CNTNAP4: variants seen among roughly 807,000 people sequenced by gnomAD.
CNTNAP4 encodes contactin-associated protein-like 4.
CNTNAP4 carries 98 observed loss-of-function variants against 148.4 expected under a neutral mutation model. The observed-to-expected ratio is 0.66, with a 90% CI of 0.56 to 0.78. The LOEUF (loss-of-function observed/expected upper bound fraction) is 0.78, where lower values mean the gene tolerates loss of function less well. Ranked by LOEUF, CNTNAP4 falls within the 30% of genes least tolerant of loss-of-function variation. The probability of loss-of-function intolerance (pLI) is 0.00; values close to 1 mark genes in which losing one functional copy is unlikely to be tolerated. For missense variants in CNTNAP4, 1,935 were observed against 1,565.6 expected (o/e 1.24, Z -3.98); for synonymous variants, 730 against 565.1 (o/e 1.29, Z -4.14).
intron 3 of CNTNAP4, among the ~76,000 whole-genome samples, chr16:76,375,957 A>G (rs574454453): frequency 6.6e-6 from 1 of 152,186 alleles, no homozygotes; most frequent in Non-Finnish European, 1.5e-5. Flanking sequence ...GACCTTGGGC[A>G]GTTGCTTTTA....
chr16:76,492,333 G>A (rs1323081928), intron 13 of CNTNAP4, among the ~76,000 whole-genome samples: 1 of 152,134 alleles, frequency 6.6e-6, no homozygotes, highest in Non-Finnish European at 1.5e-5. Flanking sequence ...TCATTTCACA[G>A]TGTATATCAA....
chr16:76,352,364 A>G (rs2011924740), intron 2 of CNTNAP4, among the ~76,000 whole-genome samples: 1 of 152,160 alleles, frequency 6.6e-6, no homozygotes, highest in Non-Finnish European at 1.5e-5. Flanking sequence ...ATTGTAAACT[A>G]CAGGGAGGGA....
chr16:76,347,824 G>C (rs1471045312), intron 2 of CNTNAP4, among the ~76,000 whole-genome samples: 1 of 152,034 alleles, frequency 6.6e-6, no homozygotes, highest in East Asian at 1.9e-4. Flanking sequence ...AAAGAGAGAA[G>C]GTAGAGATGA....
chr16:76,414,617 A>C (rs2078913305), intron 3 of CNTNAP4, among the ~76,000 whole-genome samples: 1 of 151,248 alleles, frequency 6.6e-6, no homozygotes, highest in Non-Finnish European at 1.5e-5. Flanking sequence ...TTGTCCTTAA[A>C]TGTTTAGAAG....
chr16:76,467,286 A>C, intron 9 of CNTNAP4, 66 bp from the exon 10 acceptor site: 5 of 1,389,178 alleles, frequency 3.6e-6, no homozygotes, highest in Non-Finnish European at 5.0e-6. Context: ...TTTTTAAATG[A>C]AGTTATCTAT....
rs8049489 is a variant in CNTNAP4 at position 76,530,416 on chromosome 16, C to A, written c.2756-5129C>A. Reference sequence around the variant, plus strand: ...ACGCCCCGAGTGTACTTTTCTATATCCAGTAGGTAAATCTTAGCGATCATT... The same window carrying A: ...ACGCCCCGAGTGTACTTTTCTATATACAGTAGGTAAATCTTAGCGATCATT... On this transcript the variant is annotated intron_variant, in intron 17 of 23. Transcript: ENST00000611870. Among the ~76,000 whole-genome samples the A allele has an allele frequency of 2.6e-3, 394 of 152,156 alleles. 3 individuals carry two copies. Among genetic ancestry groups the A allele is most frequent in the African/African-American group, 9.1e-3 (377 of 41,508 alleles).
Position 76,288,464 on chromosome 16 carries a change from C to T in CNTNAP4, c.85+10717C>T, listed in dbSNP as rs191905830. On this transcript the variant is annotated intron_variant, in intron 1 of 23. Coordinates refer to ENST00000611870, the MANE Select transcript of CNTNAP4 (RefSeq NM_033401.5). ...TTGTTCCCTTTGCGTAAATTACCCT[C>T]AAATACTTCACTCTAAAACCTCTTG... 2.5e-3 allele frequency among the ~76,000 whole-genome samples: 375 copies of T among 152,240 alleles called. 2 individuals carry two copies. The highest frequency in any genetic ancestry group is 8.5e-3 in the African/African-American group (355 of 41,550).
rs181633714 is a variant in CNTNAP4 at position 76,528,794 on chromosome 16, G to T, written c.2755+6537G>T. Among the ~76,000 whole-genome samples the T allele has an allele frequency of 2.6e-3, 390 of 152,260 alleles. 3 individuals carry two copies. The highest frequency in any genetic ancestry group is 9.0e-3 in the African/African-American group (373 of 41,538). Reference sequence around the variant, plus strand: ...CTTTTAAAAAATGTGATCCAGTTGGGCAGCAGTTATATATGACAATTGAAA... The same window carrying T: ...CTTTTAAAAAATGTGATCCAGTTGGTCAGCAGTTATATATGACAATTGAAA... On this transcript the variant is annotated intron_variant, in intron 17 of 23. Transcript: ENST00000611870.
Position 76,298,525 on chromosome 16 carries a change from TGTGTGA to T in CNTNAP4, c.86-17886_86-17881del, listed in dbSNP as rs202003028. Among the ~76,000 whole-genome samples the T allele has an allele frequency of 7.5e-3, 1,006 of 134,892 alleles. 8 individuals carry two copies. Among genetic ancestry groups the T allele is most frequent in the East Asian group, 0.028 (90 of 3,232 alleles). The allele number at this position is 134,892 out of a possible 152,430, so 88.5% of individuals were successfully genotyped here. A position where few individuals can be genotyped will look rare whatever the true frequency, so the allele number is the denominator to read the frequency against. On this transcript the variant is annotated intron_variant, in intron 1 of 23. Transcript: ENST00000611870. ...GTGTGTGTGTGTGTGTGTGTGTGTG[TGTGTGA>T]GGTAAGGGGCTGTGCTGAGAAGCAG... is the stretch of plus-strand genomic sequence containing the variant.
At chr16:76,456,712 T>G (rs1440138246) in intron 8 of CNTNAP4, among the ~76,000 whole-genome samples, 1 of 152,164 alleles carries the variant, frequency 6.6e-6, no homozygotes, top group Non-Finnish European at 1.5e-5. Flanking sequence ...TCCTAGCTGT[T>G]GCGGCCTATT....
intron 8 of CNTNAP4, among the ~76,000 whole-genome samples, chr16:76,460,772 AAAT>A (rs1411239359): frequency 4.4e-5 from 3 of 68,362 alleles, no homozygotes; most frequent in Admixed American, 1.7e-4. Flanking sequence ...AAAAAAAAAA[AAAT>A]ATATATATAT....
intron 9 of CNTNAP4, among the ~76,000 whole-genome samples, chr16:76,462,673 G>C (rs561711949): frequency 6.6e-6 from 1 of 152,062 alleles, no homozygotes; most frequent in African/African-American, 2.4e-5. Flanking sequence ...GCATCCACCC[G>C]CCCAGTGGAT....
chr16:76,301,248 A>G (rs1248461566), intron 1 of CNTNAP4, among the ~76,000 whole-genome samples: 1 of 152,124 alleles, frequency 6.6e-6, no homozygotes, highest in African/African-American at 2.4e-5. Flanking sequence ...AAAATGACAA[A>G]TGGTGGCTAC....
At chr16:76,398,104 C>A (rs1047184653) in intron 3 of CNTNAP4, among the ~76,000 whole-genome samples, 2 of 149,094 alleles carry the variant, frequency 1.3e-5, no homozygotes, top group Admixed American at 6.7e-5. Flanking sequence ...AACCTGGAGT[C>A]CAATGTTTGA....
chr16:76,406,781 G>A (rs1292521341), intron 3 of CNTNAP4, among the ~76,000 whole-genome samples: 1 of 152,156 alleles, frequency 6.6e-6, no homozygotes, highest in Admixed American at 6.6e-5. Context: ...AGAGAGGTGA[G>A]GAAGCTGTAG....
Position 76,277,432 on chromosome 16 carries a change from TGAGA to T in CNTNAP4, c.-220_-217del. The T allele has an allele frequency of 6.0e-6, 3 of 502,874 alleles. No individual in the cohort carries two copies. The highest frequency in any genetic ancestry group is 1.1e-5 in the Non-Finnish European group (3 of 282,630). 31.2% of individuals were successfully genotyped at this position (502,874 alleles called of 1,614,324 possible). ...CAGTGAGGAGTCAGGGAGGTGTGTG[TGAGA>T]GAGAGAGAGAAAAGAGAGAGACAGA... On this transcript the variant is annotated 5_prime_UTR_variant, in exon 1 of 24. Coordinates refer to ENST00000611870, the MANE Select transcript of CNTNAP4 (RefSeq NM_033401.5).
intron 1 of CNTNAP4, among the ~76,000 whole-genome samples, chr16:76,314,149 A>G (rs975486567): frequency 6.6e-6 from 1 of 152,228 alleles, no homozygotes; most frequent in Non-Finnish European, 1.5e-5. Context: ...ATATGTATGT[A>G]TACACATTGA....
At chr16:76,502,893 A>G (rs1234206403) in intron 15 of CNTNAP4, among the ~76,000 whole-genome samples, 2 of 152,092 alleles carry the variant, frequency 1.3e-5, no homozygotes, top group African/African-American at 4.8e-5. Context: ...TAGATCAGCC[A>G]TGTTTTTCTA....
At chr16:76,482,126 G>T (rs774275667) in intron 12 of CNTNAP4, among the ~76,000 whole-genome samples, 11 of 151,978 alleles carry the variant, frequency 7.2e-5, no homozygotes, top group Admixed American at 3.9e-4. Context: ...CAGGAGCATG[G>T]GTGGAAAAGA....
Sources: allele counts gnomAD v4.1 joint callset (sites outside exome capture counted in the v4.1 genomes callset), GRCh38; gene constraint gnomAD v4.1.1; transcripts MANE v1.5; gene names NCBI Gene and HGNC (gene_info 2026-07-23, HGNC 2026-07-21).